ATP8B1: variants seen among roughly 807,000 people sequenced by gnomAD.
ATP8B1 encodes phospholipid-transporting ATPase IC.
ATP8B1 carries 80 observed loss-of-function variants against 149.9 expected under a neutral mutation model. The ratio of observed to expected loss-of-function variants is 0.53; its 90% CI spans 0.45 to 0.64. ATP8B1 has a LOEUF of 0.64. ATP8B1 is among the 30% of genes least tolerant of loss of function. ATP8B1 has a pLI of 0.00. For synonymous variants in ATP8B1, 536 were observed against 562.8 expected (o/e 0.95, Z 0.67); for missense variants, 1,247 against 1,552.6 (o/e 0.80, Z 3.31).
intron 16 of ATP8B1, 128 bp from the exon 17 acceptor site, chr18:57,671,708 G>C: frequency 1.5e-6 from 1 of 681,376 alleles, no homozygotes; most frequent in South Asian, 1.5e-5. Context: ...CTGTAGCCTC[G>C]ACCCCCCAGG....
At chr18:57,679,086 C>A (rs1366091529) in intron 15 of ATP8B1, among the ~76,000 whole-genome samples, 3 of 150,462 alleles carry the variant, frequency 2.0e-5, no homozygotes, top group African/African-American at 7.3e-5. Flanking sequence ...AAAAAATTAG[C>A]CAGGCATGGT....
intron 1 of ATP8B1, among the ~76,000 whole-genome samples, chr18:57,789,722 T>C (rs2080443106): frequency 6.6e-6 from 1 of 152,228 alleles, no homozygotes; most frequent in African/African-American, 2.4e-5. Context: ...CACCCTGTCA[T>C]CTTTGTCCAT....
rs115080201 is a variant in ATP8B1, at chr18:57,703,944, A to G, written c.393+611T>C. Among the ~76,000 whole-genome samples, 856 of 152,232 alleles carry G rather than the reference A, an allele frequency of 5.6e-3. 5 individuals carry two copies. Among genetic ancestry groups the G allele is most frequent in the African/African-American group, 0.02 (832 of 41,544 alleles). The stretch of plus-strand genomic sequence containing the variant: ...AAAATAGCTTTAATTTTAAGGTGCA[A>G]ATAATTTTACAAAGTAAGGATTTTA... On this transcript the variant is annotated intron_variant, in intron 4 of 27. Coordinates refer to ENST00000648908, the MANE Select transcript of ATP8B1 (RefSeq NM_001374385.1).
chr18:57,760,791 C>T (rs940558786), intron 1 of ATP8B1, among the ~76,000 whole-genome samples: 3 of 151,990 alleles, frequency 2.0e-5, no homozygotes, highest in Admixed American at 2.0e-4. Context: ...GAGCTGGAGA[C>T]CAGCCTGACT....
At chr18:57,765,741 C>T (rs916209002) in intron 1 of ATP8B1, among the ~76,000 whole-genome samples, 3 of 151,278 alleles carry the variant, frequency 2.0e-5, no homozygotes, top group African/African-American at 7.3e-5. Context: ...CTTTGGGAAG[C>T]TGACTGGATC....
intron 24 of ATP8B1, among the ~76,000 whole-genome samples, chr18:57,653,283 T>C (rs1909752029): frequency 1.3e-5 from 1 of 75,556 alleles, no homozygotes; most frequent in Admixed American, 2.0e-4. Context: ...TTTTCTTTTC[T>C]TTTTTTTTTT....
intron 8 of ATP8B1, among the ~76,000 whole-genome samples, chr18:57,695,751 CTGTT>C (rs928187172): frequency 1.3e-5 from 2 of 152,220 alleles, no homozygotes; most frequent in Non-Finnish European, 2.9e-5. Context: ...GTTCCCTTCA[CTGTT>C]TGTTGTTGTG....
rs150242578 is a variant in ATP8B1 at position 57,687,809 on chromosome 18, C to G, written c.1429+490G>C. On this transcript the variant is annotated intron_variant, in intron 13 of 27. Coordinates refer to ENST00000648908, the MANE Select transcript of ATP8B1 (RefSeq NM_001374385.1). ...TTTTTTTTTTTTTTTTAGACAGAGT[C>G]TTGCTCTCTCACCAGGCTGGAGTGC... Among the ~76,000 whole-genome samples the G allele has an allele frequency of 6.7e-3, 719 of 107,562 alleles. 4 individuals carry two copies. Among genetic ancestry groups the G allele is most frequent in the African/African-American group, 0.024 (703 of 28,880 alleles). 70.6% of individuals were successfully genotyped at this position (107,562 alleles called of 152,430 possible).
At position 57,674,885 on chromosome 18, in the gene ATP8B1, C is replaced by G. The variant is rs774359894; in HGVS notation, c.1768G>C (p.Val590Leu). The G allele has an allele frequency of 6.2e-7, 1 of 1,614,214 alleles. No individual in the cohort carries two copies. Among genetic ancestry groups the G allele is most frequent in the East Asian group, 2.2e-5 (1 of 44,886 alleles). Residue 590 changes from valine (V) to leucine (L), a missense_variant, in exon 16 of 28, where the codon GTT becomes CTT. This residue lies in a region of ATP8B1 where 853 missense variants were observed against 1,035.7 expected (regional missense o/e 0.82). Coordinates refer to ENST00000648908, the MANE Select transcript of ATP8B1 (RefSeq NM_001374385.1). Reference protein sequence around the residue: ...SELGTERTYNVLAILDFNSDR... With the variant: ...SELGTERTYNLLAILDFNSDR... ...CTGTTGAAGTCCAAAATGGCAAGAA[C>G]ATTGTAAGTCCTTTCAGTGCCCAGT...
At chr18:57,681,723 C>T (rs546870196) in intron 15 of ATP8B1, among the ~76,000 whole-genome samples, 20 of 152,098 alleles carry the variant, frequency 1.3e-4, no homozygotes, top group African/African-American at 4.1e-4. Context: ...ATTGCTTGAA[C>T]CTGGGAGGTG....
At position 57,740,248 on chromosome 18, in the gene ATP8B1, G is replaced by A. The variant is rs543391700; in HGVS notation, c.-25-8416C>T. ...TGAGATTACAGGTGTAAGCCACCAC[G>A]CCTGGTCCTTCATCATTTTTTTTTA... is the stretch of plus-strand genomic sequence containing the variant. On this transcript the variant is annotated intron_variant, in intron 1 of 27. Transcript: ENST00000648908. Among the ~76,000 whole-genome samples, 8 of 151,684 alleles carry A rather than the reference G, an allele frequency of 5.3e-5. No homozygotes were observed. The South Asian group carries it at 1.0e-3, about 20-fold the overall frequency.
At chr18:57,741,667 G>A (rs1004022815) in intron 1 of ATP8B1, among the ~76,000 whole-genome samples, 1 of 152,136 alleles carries the variant, frequency 6.6e-6, no homozygotes, top group African/African-American at 2.4e-5. Flanking sequence ...GTTAAGTTTT[G>A]GAGTAGCTTG....
intron 1 of ATP8B1, among the ~76,000 whole-genome samples, chr18:57,747,628 C>T (rs2079976927): frequency 6.6e-6 from 1 of 152,044 alleles, no homozygotes. Context: ...AAACATGTTC[C>T]AAAGCTTAAA....
chr18:57,667,223 A>T, intron 19 of ATP8B1, 56 bp from the exon 20 acceptor site: 1 of 1,461,748 alleles, frequency 6.8e-7, no homozygotes, highest in East Asian at 2.3e-5. Context: ...ATTTTATTTT[A>T]TTTTGTTTTT....
At position 57,671,518 on chromosome 18, in the gene ATP8B1, G is replaced by T; in HGVS notation, c.1882C>A (p.Arg628=). 2 of 1,614,060 alleles carry T rather than the reference G, an allele frequency of 1.2e-6. No individual in the cohort carries two copies. The highest frequency in any genetic ancestry group is 8.5e-7 in the Non-Finnish European group (1 of 1,179,968). ...CKGADTVIYE[R]LHRMNPTKQE... is the part of the protein sequence containing the mutation. ...TTAGTAGGATTCATTCGATGTAACC[G>T]TTCATAAATAACAGTGTCAGCACCT... Residue 628 remains arginine, a synonymous_variant, in exon 17 of 28, where the codon CGG becomes AGG. Coordinates refer to ENST00000648908, the MANE Select transcript of ATP8B1 (RefSeq NM_001374385.1).
chr18:57,662,809 A>G (rs1239097213), intron 20 of ATP8B1, among the ~76,000 whole-genome samples, 194 bp from the exon 21 acceptor site: 2 of 152,198 alleles, frequency 1.3e-5, no homozygotes, highest in African/African-American at 2.4e-5. Flanking sequence ...GCTGGAGAGC[A>G]GTGGCATGAT....
At chr18:57,669,256 T>A in intron 18 of ATP8B1, 62 bp downstream of exon 18, 1 of 1,485,380 alleles carries the variant, frequency 6.7e-7, no homozygotes, top group Non-Finnish European at 9.2e-7. Flanking sequence ...TCAATAAAAC[T>A]TAATAAAAAT....
chr18:57,801,924 G>T (rs913309955), intron 1 of ATP8B1: 2 of 152,268 alleles, frequency 1.3e-5, no homozygotes, highest in African/African-American at 4.8e-5. Flanking sequence ...GGTTGAGCGG[G>T]TACTCACCGG....
chr18:57,686,781 C>G (rs1269690242), intron 13 of ATP8B1, among the ~76,000 whole-genome samples: 1 of 152,172 alleles, frequency 6.6e-6, no homozygotes, highest in Non-Finnish European at 1.5e-5. Context: ...AGGGATGTGC[C>G]TGACTCAGCC....
Sources: allele counts gnomAD v4.1 joint callset (sites outside exome capture counted in the v4.1 genomes callset), GRCh38; gene constraint gnomAD v4.1.1; regional missense constraint gnomAD v4.1.1; transcripts MANE v1.5; gene names NCBI Gene and HGNC (gene_info 2026-07-23, HGNC 2026-07-21).